UGT1A6: variants seen among roughly 807,000 people sequenced by gnomAD.
The protein encoded by UGT1A6 is UDP-glucuronosyltransferase 1A6.
A neutral mutation model predicts 44.4 loss-of-function variants in UGT1A6; 32 were observed. The ratio of observed to expected loss-of-function variants is 0.72; its 90% CI spans 0.54 to 0.97. The LOEUF (loss-of-function observed/expected upper bound fraction) is 0.97, where lower values mean the gene tolerates loss of function less well. Among genes scored for constraint, UGT1A6 ranks in the 50% least tolerant of loss-of-function variants. The probability of loss-of-function intolerance (pLI) is 0.00; values close to 1 mark genes in which losing one functional copy is unlikely to be tolerated. For synonymous variants in UGT1A6, 238 were observed against 248.5 expected, an observed-to-expected ratio of 0.96 and a Z score of 0.40; for missense variants, 685 against 661.9, an observed-to-expected ratio of 1.03 and a Z score of -0.38.
intron 4 of UGT1A6, chr2:233,771,176 C>A (rs887864017): frequency 1.1e-4 from 17 of 152,256 alleles, no homozygotes; most frequent in African/African-American, 4.1e-4. Context: ...CTGGGGATTA[C>A]AATTCAACAT....
intron 1 of UGT1A6, among the ~76,000 whole-genome samples, chr2:233,758,134 G>A (rs1262322592): frequency 6.6e-6 from 1 of 152,212 alleles, no homozygotes; most frequent in Non-Finnish European, 1.5e-5. Context: ...ATATTTGGCA[G>A]ATGAGGGAAT....
rs567676971 is a variant in UGT1A6 at position 233,725,173 on chromosome 2, C to T, written c.861+31308C>T. 7.4e-5 allele frequency among the ~76,000 whole-genome samples: 7 copies of T among 94,254 alleles called. 2 individuals are homozygous for T. The highest frequency in any genetic ancestry group is 3.8e-4 in the African/African-American group (6 of 15,610). 61.8% of individuals were successfully genotyped at this position (94,254 alleles called of 152,430 possible). Reference sequence around the variant, plus strand: ...CTTCGGCTCTGCATGAGAGGGAGACCGTGGGGAGAGGCAGAGGCAGAGGCA... The same window carrying T: ...CTTCGGCTCTGCATGAGAGGGAGACTGTGGGGAGAGGCAGAGGCAGAGGCA... On this transcript the variant is annotated intron_variant, in intron 1 of 4. Transcript: ENST00000305139.
intron 1 of UGT1A6, chr2:233,719,813 A>C: frequency 6.3e-7 from 1 of 1,586,286 alleles, no homozygotes; most frequent in Non-Finnish European, 8.6e-7. Context: ...TCTTTATAAC[A>C]GATAAACTGT....
chr2:233,752,699 G>C (rs1695036146), intron 1 of UGT1A6, among the ~76,000 whole-genome samples: 3 of 152,058 alleles, frequency 2.0e-5, no homozygotes, highest in Non-Finnish European at 4.4e-5. Flanking sequence ...TTACTAGTGG[G>C]GTATGATCTT....
At chr2:233,696,255 C>T (rs1042325119) in intron 1 of UGT1A6, among the ~76,000 whole-genome samples, 1 of 152,186 alleles carries the variant, frequency 6.6e-6, no homozygotes, top group Non-Finnish European at 1.5e-5. Flanking sequence ...AAGCACACAT[C>T]AGTGAATGAA....
chr2:233,760,246 A>G lies in UGT1A6; in HGVS notation c.862-6788A>G. 2.5e-6 allele frequency: 4 copies of G among 1,608,942 alleles called. No individual in the cohort carries two copies. In the South Asian group the frequency reaches 3.3e-5, roughly 13 times the overall value. On this transcript the variant is annotated intron_variant, in intron 1 of 4. Coordinates refer to ENST00000305139, the MANE Select transcript of UGT1A6 (RefSeq NM_001072.4). ...ATTGGTTTTTGCCATATATATATAT[A>G]TAAGTAGGAGAGGGCGAACCTCTGG...
chr2:233,734,406 C>G (rs543210294), intron 1 of UGT1A6, among the ~76,000 whole-genome samples: 13 of 151,932 alleles, frequency 8.6e-5, no homozygotes, highest in African/African-American at 2.7e-4. Flanking sequence ...CTATTTGATT[C>G]TTCTCTCTTT....
At chr2:233,713,274 G>A in intron 1 of UGT1A6, 1 of 1,614,182 alleles carries the variant, frequency 6.2e-7, no homozygotes, top group Non-Finnish European at 8.5e-7. Flanking sequence ...CCTTTTGCTG[G>A]GTCACACTCA....
chr2:233,696,740 AGTATGAT>A (rs1292795336), intron 1 of UGT1A6, among the ~76,000 whole-genome samples: 1 of 152,134 alleles, frequency 6.6e-6, no homozygotes, highest in African/African-American at 2.4e-5. Context: ...TACCCTTTTC[AGTATGAT>A]GTTAGCTGTG....
rs200102302 is a variant in UGT1A6, at chr2:233,761,088, C to T, written c.862-5946C>T. Reference sequence around the variant, plus strand: ...ACTTTGTGAAGGATTACCCTAGGCCCATCATGCCCAATATGGTTTTTGTTG... The same window carrying T: ...ACTTTGTGAAGGATTACCCTAGGCCTATCATGCCCAATATGGTTTTTGTTG... On this transcript the variant is annotated intron_variant, in intron 1 of 4. Coordinates refer to ENST00000305139, the MANE Select transcript of UGT1A6 (RefSeq NM_001072.4). The T allele has an allele frequency of 4.8e-5, 77 of 1,614,202 alleles. No individual in the cohort carries two copies. Among genetic ancestry groups the T allele is most frequent in the Admixed American group, 1.0e-4 (6 of 60,034 alleles).
chr2:233,705,820 C>A (rs953986068), intron 1 of UGT1A6, among the ~76,000 whole-genome samples: 2 of 152,104 alleles, frequency 1.3e-5, no homozygotes, highest in African/African-American at 4.8e-5. Context: ...GAATTTCAGG[C>A]CGAGCACAGT....
chr2:233,748,954 C>G (rs1349169273), intron 1 of UGT1A6, among the ~76,000 whole-genome samples: 2 of 151,646 alleles, frequency 1.3e-5, no homozygotes, highest in Non-Finnish European at 2.9e-5. Context: ...TATCCCACTC[C>G]AAGTTTCTAT....
intron 1 of UGT1A6, 44 bp from the exon 2 acceptor site, chr2:233,766,990 G>T: frequency 1.2e-6 from 2 of 1,613,182 alleles, no homozygotes; most frequent in Non-Finnish European, 8.5e-7. Context: ...AGTCATCAAA[G>T]AATATGAGAA....
chr2:233,755,460 GC>G, intron 1 of UGT1A6: 1 of 281,180 alleles, frequency 3.6e-6, no homozygotes, highest in South Asian at 3.7e-5. Context: ...GACTGGCCCT[GC>G]TCTCTGTGAG....
chr2:233,761,565 G>T (rs1015510791), intron 1 of UGT1A6, among the ~76,000 whole-genome samples: 1 of 152,250 alleles, frequency 6.6e-6, no homozygotes, highest in African/African-American at 2.4e-5. Context: ...TCCTGGAAAT[G>T]AAAGTTGCCT....
Position 233,693,577 on chromosome 2 carries a change from C to T in UGT1A6, c.573C>T (p.Tyr191=), listed in dbSNP as rs1031278629. Residue 191 remains tyrosine (Y), a synonymous_variant, in exon 1 of 5, where the codon TAC becomes TAT. Coordinates refer to ENST00000305139, the MANE Select transcript of UGT1A6 (RefSeq NM_001072.4). ...GCAGAAGCCCAGACCCTGTGTCCTACATTCCCAGGTGCTACACAAAGTTTT... is the reference window on the plus strand; with the variant it reads ...GCAGAAGCCCAGACCCTGTGTCCTATATTCCCAGGTGCTACACAAAGTTTT... ...TFSRSPDPVS[Y]IPRCYTKFSD... 4 of 1,614,118 alleles carry T rather than the reference C, an allele frequency of 2.5e-6. No homozygotes were observed. In the African/African-American group the frequency reaches 5.3e-5, roughly 22 times the overall value.
At chr2:233,765,205 T>G (rs540441075) in intron 1 of UGT1A6, among the ~76,000 whole-genome samples, 9 of 152,292 alleles carry the variant, frequency 5.9e-5, no homozygotes, top group African/African-American at 2.2e-4. Flanking sequence ...ATTAGTGCCC[T>G]CAGTATTCTT....
At chr2:233,705,436 T>C (rs1284640676) in intron 1 of UGT1A6, among the ~76,000 whole-genome samples, 1 of 152,232 alleles carries the variant, frequency 6.6e-6, no homozygotes, top group Non-Finnish European at 1.5e-5. Context: ...TAACTTATCC[T>C]TCAGAATTGC....
chr2:233,703,957 C>T (rs1010447898), intron 1 of UGT1A6, among the ~76,000 whole-genome samples: 1 of 151,710 alleles, frequency 6.6e-6, no homozygotes, highest in African/African-American at 2.4e-5. Flanking sequence ...GTGGTGTGAT[C>T]TTGGCCCACT....
Sources: gnomAD v4.1 joint callset for allele counts (sites outside exome capture counted in the v4.1 genomes callset) on GRCh38, gnomAD v4.1.1 for gene constraint, MANE v1.5 for transcripts, NCBI Gene and HGNC (gene_info 2026-07-23, HGNC 2026-07-21) for gene names.